The following MYT1L variants were observed in gnomAD, a reference collection of about 807,000 sequenced individuals.
MYT1L encodes the protein myelin transcription factor 1-like protein.
A neutral mutation model predicts 126.7 loss-of-function variants in MYT1L; 12 were observed. The observed-to-expected ratio is 0.09, with a 90% CI of 0.06 to 0.15. The LOEUF is 0.15. Ranked by LOEUF, MYT1L falls within the 10% of genes least tolerant of loss-of-function variation. The probability of loss-of-function intolerance (pLI) is 1.00; values close to 1 mark genes in which losing one functional copy is unlikely to be tolerated. For synonymous variants in MYT1L, 541 were observed against 604.2 expected (o/e 0.90, Z 1.53); for missense variants, 979 against 1,585.2 (o/e 0.62, Z 6.49).
intron 4 of MYT1L, among the ~76,000 whole-genome samples, chr2:2,021,361 T>C (rs944452170): frequency 2.0e-5 from 3 of 152,136 alleles, no homozygotes; most frequent in Non-Finnish European, 2.9e-5. Context: ...CCAGGCTGAT[T>C]TCTAGCAGTG....
At chr2:2,166,353 T>C (rs1388888200) in intron 3 of MYT1L, among the ~76,000 whole-genome samples, 1 of 152,244 alleles carries the variant, frequency 6.6e-6, no homozygotes, top group Non-Finnish European at 1.5e-5. Flanking sequence ...GTTTATCTAC[T>C]CCTGTCACTT....
At chr2:1,931,389 C>T (rs908674216) in intron 9 of MYT1L, among the ~76,000 whole-genome samples, 52 of 150,758 alleles carry the variant, frequency 3.4e-4, no homozygotes, top group African/African-American at 1.2e-3. Flanking sequence ...GCGATGCCCA[C>T]GTCTGCTGCG....
intron 9 of MYT1L, among the ~76,000 whole-genome samples, chr2:1,932,232 T>G (rs574674965): frequency 6.6e-6 from 1 of 152,156 alleles, no homozygotes; most frequent in African/African-American, 2.4e-5. Flanking sequence ...CTATTTAAGA[T>G]AGGAGGCATT....
chr2:2,263,575 C>T (rs982640801), intron 2 of MYT1L, among the ~76,000 whole-genome samples: 1 of 152,098 alleles, frequency 6.6e-6, no homozygotes, highest in Non-Finnish European at 1.5e-5. Context: ...CAGCAGTGCC[C>T]GTTGCTGCTG....
At chr2:2,309,619 A>T (rs1329094904) in intron 1 of MYT1L, among the ~76,000 whole-genome samples, 1 of 151,526 alleles carries the variant, frequency 6.6e-6, no homozygotes. Context: ...TCTACACTCC[A>T]CCTACACTTT....
chr2:2,230,713 G>A (rs943106399), intron 2 of MYT1L, among the ~76,000 whole-genome samples: 8 of 152,158 alleles, frequency 5.3e-5, no homozygotes, highest in Non-Finnish European at 1.0e-4. Context: ...TGATGTTGCC[G>A]GGGGCTCTGT....
At chr2:1,810,605 CATT>C (rs536405766) in intron 21 of MYT1L, among the ~76,000 whole-genome samples, 7 of 152,210 alleles carry the variant, frequency 4.6e-5, no homozygotes, top group African/African-American at 1.4e-4. Context: ...CAGATTACAT[CATT>C]ATTAGAAATA....
chr2:1,819,244 T>C lies in MYT1L; in HGVS notation c.3081-10077A>G, dbSNP rs144119132. Among the ~76,000 whole-genome samples, 249 of 152,338 alleles carry C rather than the reference T, an allele frequency of 1.6e-3. 1 individual carries two copies. Among genetic ancestry groups the C allele is most frequent in the African/African-American group, 5.6e-3 (234 of 41,588 alleles). ...GAGACGTTTTGAAGAGCCACTTCCA[T>C]AGGTCATCAAACGTCCTATCTCTAT... On this transcript the variant is annotated intron_variant, in intron 21 of 24. Coordinates refer to ENST00000647738, the MANE Select transcript of MYT1L (RefSeq NM_001303052.2).
At chr2:2,087,611 G>A (rs1159728267) in intron 3 of MYT1L, among the ~76,000 whole-genome samples, 1 of 152,208 alleles carries the variant, frequency 6.6e-6, no homozygotes, top group Non-Finnish European at 1.5e-5. Context: ...TGTTAAATAA[G>A]AGCTTGGTCC....
At chr2:2,102,154 C>T (rs1256120665) in intron 3 of MYT1L, among the ~76,000 whole-genome samples, 2 of 152,264 alleles carry the variant, frequency 1.3e-5, no homozygotes, top group Middle Eastern at 3.4e-3. Context: ...GATTTTTAGG[C>T]TTCTTGTGGC....
At chr2:2,206,646 C>T (rs1019909864) in intron 2 of MYT1L, among the ~76,000 whole-genome samples, 1 of 152,212 alleles carries the variant, frequency 6.6e-6, no homozygotes, top group Non-Finnish European at 1.5e-5. Flanking sequence ...ATTTCTTAGT[C>T]TGTCCTTTAA....
intron 3 of MYT1L, among the ~76,000 whole-genome samples, chr2:2,132,391 T>C (rs1575393967): frequency 6.6e-6 from 1 of 152,164 alleles, no homozygotes; most frequent in South Asian, 2.1e-4. Flanking sequence ...TGGAATACTA[T>C]GCAGCCATAA....
intron 18 of MYT1L, among the ~76,000 whole-genome samples, chr2:1,871,092 G>C (rs142261873): frequency 3.2e-4 from 49 of 152,350 alleles, no homozygotes; most frequent in African/African-American, 1.0e-3. Context: ...CTGAGGAGGG[G>C]CAGCTGGGTC....
At chr2:2,256,015 A>G (rs996306504) in intron 2 of MYT1L, among the ~76,000 whole-genome samples, 2 of 152,206 alleles carry the variant, frequency 1.3e-5, no homozygotes, top group Non-Finnish European at 2.9e-5. Flanking sequence ...ATAGCGGGGT[A>G]AAAGGACAAC....
intron 3 of MYT1L, among the ~76,000 whole-genome samples, chr2:2,062,999 C>T (rs1363364748): frequency 6.6e-6 from 1 of 152,198 alleles, no homozygotes; most frequent in Non-Finnish European, 1.5e-5. Flanking sequence ...CACGATTCAG[C>T]CAATGGTCCT....
chr2:2,235,230 G>A (rs932108927), intron 2 of MYT1L, among the ~76,000 whole-genome samples: 15 of 152,176 alleles, frequency 9.9e-5, no homozygotes, highest in South Asian at 2.1e-4. Context: ...CCTTAGAGGC[G>A]TGTGTATAGA....
intron 2 of MYT1L, among the ~76,000 whole-genome samples, chr2:2,213,574 T>C (rs2093595232): frequency 6.6e-6 from 1 of 152,176 alleles, no homozygotes; most frequent in African/African-American, 2.4e-5. Context: ...GTCAGCCAGG[T>C]GCTAAACCTT....
intron 3 of MYT1L, among the ~76,000 whole-genome samples, chr2:2,060,227 C>T (rs568302821): frequency 6.6e-6 from 1 of 152,288 alleles, no homozygotes; most frequent in Admixed American, 6.5e-5. Flanking sequence ...GGAACTTAGG[C>T]CATTTCCTCA....
rs1252487203 is a variant in MYT1L at position 2,054,054 on chromosome 2, T to C, written c.-234A>G. Reference sequence around the variant, plus strand: ...TTCTTGATGGAATTTTGTTGATAGCTTGAAAGATGCAAACACTTGATTGAA... The same window carrying C: ...TTCTTGATGGAATTTTGTTGATAGCCTGAAAGATGCAAACACTTGATTGAA... On this transcript the variant is annotated 5_prime_UTR_variant, in exon 4 of 25. Transcript: ENST00000647738. The C allele has an allele frequency of 6.5e-6, 1 of 152,694 alleles. No homozygotes were observed. Among genetic ancestry groups the C allele is most frequent in the Admixed American group, 6.5e-5 (1 of 15,282 alleles). The allele number at this position is 152,694 out of a possible 1,614,324, so 9.5% of individuals were successfully genotyped here.
Sources: gnomAD v4.1 joint callset for allele counts (sites outside exome capture counted in the v4.1 genomes callset) on GRCh38, gnomAD v4.1.1 for gene constraint, MANE v1.5 for transcripts, NCBI Gene and HGNC (gene_info 2026-07-23, HGNC 2026-07-21) for gene names.